Variants in MPDZ observed in about 807,000 individuals in gnomAD.
The protein encoded by MPDZ is multiple PDZ domain crumbs cell polarity complex component, also known as multiple PDZ domain protein.
Under a neutral mutation model 239.1 loss-of-function variants are expected in MPDZ, and 234 were observed. The observed-to-expected ratio is 0.98, with a 90% CI of 0.88 to 1.09. The LOEUF is 1.09. Ranked by LOEUF, MPDZ falls within the 50% of genes least tolerant of loss-of-function variation. The probability of loss-of-function intolerance (pLI) is 0.00; values close to 1 mark genes in which losing one functional copy is unlikely to be tolerated. For missense variants in MPDZ, 3,175 were observed against 2,510.0 expected, an observed-to-expected ratio of 1.26 and a Z score of -5.66; for synonymous variants, 1,048 against 881.3, an observed-to-expected ratio of 1.19 and a Z score of -3.35.
chr9:13,212,681 A>G (rs567092773), intron 10 of MPDZ, among the ~76,000 whole-genome samples: 2 of 151,556 alleles, frequency 1.3e-5, no homozygotes, highest in East Asian at 3.9e-4. Flanking sequence ...TCATGAAAAG[A>G]AGAGATCCAG....
At chr9:13,229,998 A>G (rs1418992114) in intron 3 of MPDZ, among the ~76,000 whole-genome samples, 3 of 152,122 alleles carry the variant, frequency 2.0e-5, no homozygotes, top group Non-Finnish European at 4.4e-5. Context: ...TTCAATAGTA[A>G]AAAAAATCCA....
chr9:13,222,728 C>A (rs1959195732), intron 5 of MPDZ, among the ~76,000 whole-genome samples: 1 of 152,206 alleles, frequency 6.6e-6, no homozygotes, highest in South Asian at 2.1e-4. Flanking sequence ...ATATTCTCAT[C>A]TTCTAAAAAT....
chr9:13,248,413 A>G (rs962935619), intron 2 of MPDZ, among the ~76,000 whole-genome samples: 1 of 152,136 alleles, frequency 6.6e-6, no homozygotes. Flanking sequence ...CAAATCAGAC[A>G]CAAAGTTGCT....
intron 40 of MPDZ, among the ~76,000 whole-genome samples, chr9:13,114,619 G>C (rs1053965971): frequency 6.6e-6 from 1 of 151,970 alleles, no homozygotes; most frequent in Non-Finnish European, 1.5e-5. Flanking sequence ...TGTTATCTTG[G>C]GGCCAGGTAC....
intron 8 of MPDZ, among the ~76,000 whole-genome samples, chr9:13,218,195 C>A (rs1376526216): frequency 6.6e-6 from 1 of 151,768 alleles, no homozygotes; most frequent in South Asian, 2.1e-4. Flanking sequence ...TTATTTTTTT[C>A]ATTGCACATA....
intron 3 of MPDZ, among the ~76,000 whole-genome samples, chr9:13,239,485 G>C (rs1398735243): frequency 6.6e-6 from 1 of 152,076 alleles, no homozygotes; most frequent in Non-Finnish European, 1.5e-5. Context: ...AAGACTTTAT[G>C]CTATGATAAT....
intron 1 of MPDZ, among the ~76,000 whole-genome samples, chr9:13,263,907 T>C (rs1174753676): frequency 6.6e-6 from 1 of 152,178 alleles, no homozygotes; most frequent in East Asian, 1.9e-4. Context: ...ACACAATATA[T>C]ATAAGCTAAT....
At chr9:13,129,016 T>C (rs184223330) in intron 32 of MPDZ, among the ~76,000 whole-genome samples, 10 of 152,334 alleles carry the variant, frequency 6.6e-5, no homozygotes, top group Non-Finnish European at 1.0e-4. Context: ...TGAAACCTGA[T>C]GGAATTAGTT....
chr9:13,109,964 T>A lies in MPDZ; in HGVS notation c.5930A>T (p.Gln1977Leu), dbSNP rs376485985. 23 of 1,612,408 alleles carry A rather than the reference T, an allele frequency of 1.4e-5. No homozygotes were observed. Among genetic ancestry groups the A allele is most frequent in the Non-Finnish European group, 1.7e-5 (20 of 1,179,412 alleles). The change falls in exon 45 of 47, where the codon CAG becomes CTG. Residue 1977 changes from glutamine to leucine, a missense_variant. By Grantham distance (113) the Gln-to-Leu change is moderately radical. Coordinates refer to ENST00000319217, the MANE Select transcript of MPDZ (RefSeq NM_001378778.1). Reference sequence around the variant, plus strand: ...TGTATGAACTCACCCTAAATCATCCTGAAATATACTGCTTGACGTCAGCCC... The same window carrying A: ...TGTATGAACTCACCCTAAATCATCCAGAAATATACTGCTTGACGTCAGCCC... ...FTGLTSSSIF[Q>L]DDLGPPQCKS...
chr9:13,170,667 C>T (rs886767701), intron 21 of MPDZ, among the ~76,000 whole-genome samples: 2 of 152,130 alleles, frequency 1.3e-5, no homozygotes, highest in African/African-American at 2.4e-5. Flanking sequence ...CTTATTAGCA[C>T]CATGCAGACT....
chr9:13,170,575 C>T (rs987114178), intron 21 of MPDZ, among the ~76,000 whole-genome samples: 4 of 152,152 alleles, frequency 2.6e-5, no homozygotes, highest in African/African-American at 9.7e-5. Flanking sequence ...TATAACTGTA[C>T]TTTGGTAAAA....
At chr9:13,237,974 TAG>T (rs1219919521) in intron 3 of MPDZ, among the ~76,000 whole-genome samples, 1 of 152,124 alleles carries the variant, frequency 6.6e-6, no homozygotes, top group Non-Finnish European at 1.5e-5. Context: ...TTTCCTGTAG[TAG>T]AGAGTGAAAT....
intron 34 of MPDZ, 119 bp downstream of exon 34, chr9:13,126,397 C>G (rs1490414427): frequency 1.8e-6 from 1 of 568,672 alleles, no homozygotes; most frequent in East Asian, 3.1e-5. Flanking sequence ...TCTTCTTTTC[C>G]TTAAGAACAT....
intron 3 of MPDZ, among the ~76,000 whole-genome samples, chr9:13,245,432 AGAAGAT>A (rs1383497089): frequency 1.3e-5 from 2 of 151,502 alleles, no homozygotes; most frequent in Non-Finnish European, 2.9e-5. Context: ...AAAAAGAAGA[AGAAGAT>A]GTGAGACAGG....
chr9:13,144,092 C>G (rs1225841280), intron 26 of MPDZ, among the ~76,000 whole-genome samples: 1 of 151,858 alleles, frequency 6.6e-6, no homozygotes, highest in East Asian at 1.9e-4. Context: ...TATTAAAGTG[C>G]TTCAGAGCAA....
At position 13,219,592 on chromosome 9, in the gene MPDZ, G is replaced by T. The variant is rs371163123; in HGVS notation, c.1053C>A (p.Leu351=). 1 of 1,612,214 alleles carries T rather than the reference G, an allele frequency of 6.2e-7. No homozygotes were observed. The highest frequency in any genetic ancestry group is 8.5e-7 in the Non-Finnish European group (1 of 1,178,980). Residue 351 remains leucine, a synonymous_variant, in exon 8 of 47, where the codon CTC becomes CTA. Transcript: ENST00000319217. The part of the protein sequence containing the change: ...RTAPTALGIT[L]SSSPTSTPEL... ...CTGGTGTTGAAGTTGGGGATGAGGA[G>T]AGGGTGATGCCCAAAGCAGTGGGTG...
intron 23 of MPDZ, among the ~76,000 whole-genome samples, chr9:13,160,871 A>ATATATATATATAC (rs1950401710): frequency 3.9e-5 from 1 of 25,616 alleles, no homozygotes; most frequent in Non-Finnish European, 9.5e-5. Context: ...TATATATATA[A>ATATATATATATAC]AACAGGTACT....
chr9:13,145,712 A>C lies in MPDZ; in HGVS notation c.3741+1836T>G, dbSNP rs1286327040. Among the ~76,000 whole-genome samples, 4 of 152,032 alleles carry C rather than the reference A, an allele frequency of 2.6e-5. No individual in the cohort carries two copies. The East Asian group carries it at 7.7e-4, about 29-fold the overall frequency. On this transcript the variant is annotated intron_variant, in intron 26 of 46. Coordinates refer to ENST00000319217, the MANE Select transcript of MPDZ (RefSeq NM_001378778.1). ...TCATAACAAGATTTATCCTGGAACA[A>C]TTGCTATAAAATCAGGTATCATTAT...
At position 13,109,939 on chromosome 9, in the gene MPDZ, T is replaced by C. The variant is rs577598208; in HGVS notation, c.5942+13A>G. On this transcript the variant is annotated intron_variant, in intron 45 of 46. Transcript: ENST00000319217. The stretch of plus-strand genomic sequence containing the variant: ...GTGAAAAATGATACACTAATCATCA[T>C]GTATGAACTCACCCTAAATCATCCT... 1.5e-5 allele frequency: 24 copies of C among 1,595,026 alleles called. No individual in the cohort carries two copies. In the South Asian group the frequency reaches 2.6e-4, roughly 17 times the overall value.
Sources: gnomAD v4.1 joint callset for allele counts (sites outside exome capture counted in the v4.1 genomes callset) on GRCh38, gnomAD v4.1.1 for gene constraint, MANE v1.5 for transcripts, NCBI Gene and HGNC (gene_info 2026-07-23, HGNC 2026-07-21) for gene names.